The following RYR2 variants were observed in gnomAD, a reference collection of about 807,000 sequenced individuals.
RYR2 encodes the protein ryanodine receptor 2.
A neutral mutation model predicts 601.1 loss-of-function variants in RYR2; 227 were observed. The observed-to-expected ratio is 0.38, with a 90% CI of 0.34 to 0.42. RYR2 has a LOEUF of 0.42. RYR2 is among the 10% of genes least tolerant of loss of function. The pLI is 1.00. For synonymous variants in RYR2, 2,223 were observed against 2,175.1 expected, an observed-to-expected ratio of 1.02 and a Z score of -0.61; for missense variants, 4,646 against 6,156.5, an observed-to-expected ratio of 0.75 and a Z score of 8.21.
At chr1:237,828,930 A>T (rs1465293689) in intron 102 of RYR2, among the ~76,000 whole-genome samples, 3 of 152,162 alleles carry the variant, frequency 2.0e-5, no homozygotes, top group Non-Finnish European at 2.9e-5. Flanking sequence ...GCAACCTCCC[A>T]ACCCCTTCTC....
intron 66 of RYR2, 113 bp downstream of exon 66, chr1:237,702,172 T>C (rs1283790648): frequency 6.3e-6 from 4 of 633,330 alleles, no homozygotes; most frequent in Non-Finnish European, 1.1e-5. Flanking sequence ...CTAAACCGGA[T>C]TGACCTTTGA....
chr1:237,536,803 G>A (rs1235896500), intron 25 of RYR2, among the ~76,000 whole-genome samples: 42 of 149,918 alleles, frequency 2.8e-4, no homozygotes, highest in African/African-American at 9.4e-4. Context: ...GGAGAATGGC[G>A]TGAACCCGGG....
Position 237,814,122 on chromosome 1 carries a change from C to T in RYR2, c.14434-4914C>T, listed in dbSNP as rs78551240. Among the ~76,000 whole-genome samples the T allele has an allele frequency of 1.5e-3, 236 of 152,318 alleles. 3 individuals are homozygous for T. The East Asian group carries it at 0.036, about 23-fold the overall frequency. Reference sequence around the variant, plus strand: ...CGTCCAAACACTTACTTTTAATTTGCTTCTTACCAGTACTTGTGCAGGGGC... The same window carrying T: ...CGTCCAAACACTTACTTTTAATTTGTTTCTTACCAGTACTTGTGCAGGGGC... On this transcript the variant is annotated intron_variant, in intron 100 of 104. Coordinates refer to ENST00000366574, the MANE Select transcript of RYR2 (RefSeq NM_001035.3).
chr1:237,085,250 A>G (rs984516283), intron 1 of RYR2, among the ~76,000 whole-genome samples: 14 of 152,212 alleles, frequency 9.2e-5, no homozygotes, highest in Admixed American at 3.3e-4. Context: ...TAATAGAACT[A>G]TTTTATAAAA....
intron 71 of RYR2, among the ~76,000 whole-genome samples, chr1:237,716,374 C>T (rs959941964): frequency 6.7e-5 from 10 of 150,340 alleles, no homozygotes; most frequent in South Asian, 6.2e-4. Context: ...TTCATTATCA[C>T]GAAACTATGT....
rs73117643 is a variant in RYR2, at chr1:237,139,732, C to G, written c.48+97163C>G. 4.6e-3 allele frequency among the ~76,000 whole-genome samples: 698 copies of G among 152,320 alleles called. 4 individuals carry two copies. The highest frequency in any genetic ancestry group is 0.016 in the African/African-American group (649 of 41,572). ...GGCATGCCTACTGCCTAATGACTGT[C>G]TTCATTACCACTAACATTCATATCT... On this transcript the variant is annotated intron_variant, in intron 1 of 104. Transcript: ENST00000366574.
intron 21 of RYR2, among the ~76,000 whole-genome samples, chr1:237,502,776 A>G (rs1050278070): frequency 1.3e-5 from 2 of 151,896 alleles, no homozygotes; most frequent in African/African-American, 4.8e-5. Context: ...CCTGCTTCAG[A>G]GAATTTCATT....
chr1:237,427,782 CAAAAAAAAAAAAAAAAAA>C (rs57614793), intron 12 of RYR2, among the ~76,000 whole-genome samples: 4 of 56,192 alleles, frequency 7.1e-5, no homozygotes, highest in Admixed American at 2.9e-4. Context: ...GACTCTGCCT[CAAAAAAAAAAAAAAAAAA>C]AAAAAAAAAA....
chr1:237,824,333 T>A (rs1157221703), intron 101 of RYR2, among the ~76,000 whole-genome samples: 1 of 151,978 alleles, frequency 6.6e-6, no homozygotes, highest in Non-Finnish European at 1.5e-5. Context: ...TCCACCATGA[T>A]CAAGTAGGCT....
chr1:237,293,782 G>T (rs1404420181), intron 2 of RYR2, among the ~76,000 whole-genome samples: 1 of 152,164 alleles, frequency 6.6e-6, no homozygotes, highest in Non-Finnish European at 1.5e-5. Context: ...CAGATACCTA[G>T]TTTTAGTTCA....
At chr1:237,387,065 G>T (rs1416132369) in intron 8 of RYR2, among the ~76,000 whole-genome samples, 2 of 152,138 alleles carry the variant, frequency 1.3e-5, no homozygotes, top group Admixed American at 6.5e-5. Context: ...ATTGACTTAA[G>T]TCAGTAACTG....
At chr1:237,099,297 G>T (rs1396114449) in intron 1 of RYR2, among the ~76,000 whole-genome samples, 1 of 152,056 alleles carries the variant, frequency 6.6e-6, no homozygotes, top group Non-Finnish European at 1.5e-5. Flanking sequence ...GAGTGTGGTG[G>T]CGTGATCATG....
At chr1:237,431,901 C>T (rs983861223) in intron 12 of RYR2, among the ~76,000 whole-genome samples, 3 of 152,114 alleles carry the variant, frequency 2.0e-5, no homozygotes, top group African/African-American at 4.8e-5. Context: ...CTTTACATTT[C>T]TGTGCGACTC....
rs560680970 is a variant in RYR2 at position 237,212,603 on chromosome 1, G to C, written c.49-57894G>C. ...CTGACGACAGAGCAAGACCCCTTTT[G>C]TTACAAAATGAAAAGGAAACGTAGA... On this transcript the variant is annotated intron_variant, in intron 1 of 104. Transcript: ENST00000366574. 4.6e-5 allele frequency among the ~76,000 whole-genome samples: 7 copies of C among 152,006 alleles called. No individual in the cohort carries two copies. In the South Asian group the frequency reaches 1.5e-3, roughly 32 times the overall value.
chr1:237,472,509 C>T (rs1249915213), intron 17 of RYR2, among the ~76,000 whole-genome samples: 1 of 152,072 alleles, frequency 6.6e-6, no homozygotes, highest in Middle Eastern at 3.2e-3. Flanking sequence ...TAAAAAACAA[C>T]ATTGGAAATG....
At chr1:237,781,684 C>A in intron 89 of RYR2, 38 bp downstream of exon 89, 1 of 1,113,414 alleles carries the variant, frequency 9.0e-7, no homozygotes, top group South Asian at 1.4e-5. Flanking sequence ...TCTTTATTAT[C>A]TTATTTAAAG....
chr1:237,747,898 A>G (rs568118612), intron 80 of RYR2, among the ~76,000 whole-genome samples: 1 of 152,226 alleles, frequency 6.6e-6, no homozygotes, highest in Non-Finnish European at 1.5e-5. Flanking sequence ...GGACTAAAGC[A>G]TTAAGAGTTG....
rs778927123 is a variant in RYR2, at chr1:237,388,069, G to A, written c.677-18G>A. 3 of 1,610,410 alleles carry A rather than the reference G, an allele frequency of 1.9e-6. No individual in the cohort carries two copies. The East Asian group carries it at 6.7e-5, about 36-fold the overall frequency. On this transcript the variant is annotated intron_variant, in intron 9 of 104. Transcript: ENST00000366574. ...TGACACTGACAGTCCAGACCTGAAT[G>A]ATTTTTTATCCTTACAGGGTATCTC... is the stretch of plus-strand genomic sequence containing the variant.
At chr1:237,526,667 AGTT>A (rs1461644601) in intron 24 of RYR2, among the ~76,000 whole-genome samples, 1 of 152,084 alleles carries the variant, frequency 6.6e-6, no homozygotes, top group East Asian at 1.9e-4. Context: ...TTTTTAATAC[AGTT>A]GTTTGTTTTT....
Sources: allele counts gnomAD v4.1 joint callset (sites outside exome capture counted in the v4.1 genomes callset), GRCh38; gene constraint gnomAD v4.1.1; transcripts MANE v1.5; gene names NCBI Gene and HGNC (gene_info 2026-07-23, HGNC 2026-07-21).